ZNF827: variants seen among roughly 807,000 people sequenced by gnomAD.
ZNF827 encodes zinc finger protein 827.
ZNF827 carries 13 observed loss-of-function variants against 102.4 expected under a neutral mutation model. The ratio of observed to expected loss-of-function variants is 0.13; its 90% CI spans 0.08 to 0.20. The LOEUF (loss-of-function observed/expected upper bound fraction) is 0.20, where lower values mean the gene tolerates loss of function less well. Ranked by LOEUF, ZNF827 falls within the 10% of genes least tolerant of loss-of-function variation. ZNF827 has a pLI of 1.00. For missense variants in ZNF827, 1,103 were observed against 1,344.4 expected (o/e 0.82, Z 2.81); for synonymous variants, 523 against 536.2 (o/e 0.98, Z 0.34).
chr4:145,792,269 G>A (rs1383079156), intron 8 of ZNF827, among the ~76,000 whole-genome samples: 1 of 151,998 alleles, frequency 6.6e-6, no homozygotes, highest in East Asian at 1.9e-4. Context: ...AGTTAAGAGT[G>A]TAGAAGGTCT....
At position 145,765,705 on chromosome 4, in the gene ZNF827, C is replaced by G; in HGVS notation, c.2894G>C (p.Ser965Thr). 6.2e-7 allele frequency: 1 copy of G among 1,614,040 alleles called. No homozygotes were observed. The highest frequency in any genetic ancestry group is 8.5e-7 in the Non-Finnish European group (1 of 1,179,954). Residue 965 changes from serine (S) to threonine (T), a missense_variant, in exon 12 of 15, where the codon AGC becomes ACC. Around this residue, in one of 5 missense-constraint regions of ZNF827, gnomAD observed 242 missense variants for 361.9 expected, o/e 0.67. Coordinates refer to ENST00000508784, the MANE Select transcript of ZNF827 (RefSeq NM_001306215.2). The surrounding 1 kb of genome is among the most constrained non-coding windows in gnomAD (Gnocchi z 4.7). The stretch of plus-strand genomic sequence containing the variant: ...AGCTGAGAGGGAGGATGAAGAGGGG[C>G]TATTTGATTCGCTGGGGGTCTTCCT... ...EDRKTPSESN[S>T]PSSSSLSALS...
rs765006993 is a variant in ZNF827 at position 145,870,303 on chromosome 4, A to G, written c.1923T>C (p.Ser641=). The G allele has an allele frequency of 3.1e-6, 5 of 1,614,080 alleles. No individual in the cohort carries two copies. The highest frequency in any genetic ancestry group is 2.2e-5 in the East Asian group (1 of 44,876). The part of the protein sequence containing the change: ...DALKPQEGKG[S]VLRRDVSVKA... ...TGACTGACACATCCCGCCTTAGCAC[A>G]CTTCCCTTCCCTTCCTGGGGCTTTA... The change falls in exon 5 of 15, where the codon AGT becomes AGC. Residue 641 remains serine, a synonymous_variant. Transcript: ENST00000508784.
chr4:145,811,075 T>C (rs796997529), intron 8 of ZNF827, among the ~76,000 whole-genome samples: 25 of 149,134 alleles, frequency 1.7e-4, no homozygotes, highest in African/African-American at 5.7e-4. Flanking sequence ...CACTGCAACC[T>C]CCGCCTCCTG....
chr4:145,846,426 C>T (rs1344711821), intron 6 of ZNF827, among the ~76,000 whole-genome samples: 12 of 150,940 alleles, frequency 8.0e-5, no homozygotes, highest in Admixed American at 4.6e-4. Context: ...TGCAGCGAGC[C>T]GAGATCGCGC....
intron 8 of ZNF827, among the ~76,000 whole-genome samples, chr4:145,811,424 G>C (rs1259904391): frequency 2.0e-5 from 3 of 152,222 alleles, no homozygotes; most frequent in Non-Finnish European, 4.4e-5. Context: ...GAGAGTGTAG[G>C]AAGCTAAGGA....
chr4:145,829,156 G>T (rs978803679), intron 7 of ZNF827, among the ~76,000 whole-genome samples: 2 of 140,342 alleles, frequency 1.4e-5, no homozygotes, highest in Non-Finnish European at 3.2e-5. Context: ...AGAAGAAACA[G>T]ATTTTTTTTC....
chr4:145,932,720 C>A (rs1477888431), intron 1 of ZNF827, among the ~76,000 whole-genome samples: 1 of 152,152 alleles, frequency 6.6e-6, no homozygotes, highest in Non-Finnish European at 1.5e-5. Flanking sequence ...GTGATCCACC[C>A]GCCTCGGCCT....
chr4:145,827,369 TGAAA>T (rs1177418679), intron 7 of ZNF827, among the ~76,000 whole-genome samples: 3 of 152,210 alleles, frequency 2.0e-5, no homozygotes, highest in Non-Finnish European at 4.4e-5. Flanking sequence ...TGAAGGAAGC[TGAAA>T]GACTTTTCTA....
chr4:145,778,933 A>G (rs567565854), intron 9 of ZNF827, among the ~76,000 whole-genome samples: 1 of 152,094 alleles, frequency 6.6e-6, no homozygotes, highest in Admixed American at 6.5e-5. Context: ...CCCTTTCCCA[A>G]CTCTCAGAAC....
intron 7 of ZNF827, among the ~76,000 whole-genome samples, chr4:145,843,935 T>C (rs536705232): frequency 2.6e-5 from 4 of 152,326 alleles, no homozygotes; most frequent in African/African-American, 9.6e-5. Flanking sequence ...ATCACCTCCT[T>C]GCAGGTTCCT....
intron 1 of ZNF827, among the ~76,000 whole-genome samples, chr4:145,933,218 G>A (rs1753938927): frequency 6.6e-6 from 1 of 152,212 alleles, no homozygotes; most frequent in African/African-American, 2.4e-5. Context: ...TAGGAATACA[G>A]GGATGTTCTT....
chr4:145,865,727 CTGGACCTTTTG>C (rs564546441), intron 5 of ZNF827, among the ~76,000 whole-genome samples: 36 of 152,294 alleles, frequency 2.4e-4, no homozygotes, highest in Non-Finnish European at 8.8e-5. Flanking sequence ...ATAATTATTC[CTGGACCTTTTG>C]TGGTTCGCAT....
intron 2 of ZNF827, among the ~76,000 whole-genome samples, chr4:145,897,236 T>A (rs531907261): frequency 2.0e-5 from 3 of 151,772 alleles, no homozygotes; most frequent in Non-Finnish European, 2.9e-5. Context: ...TAAAAAAAAA[T>A]TTTTTTAAAT....
intron 8 of ZNF827, among the ~76,000 whole-genome samples, chr4:145,821,711 G>A (rs1260099316): frequency 6.6e-6 from 1 of 152,076 alleles, no homozygotes; most frequent in Non-Finnish European, 1.5e-5. Flanking sequence ...TCTCAGTTAT[G>A]CTGACCTTCT....
Position 145,902,095 on chromosome 4 carries a change from A to C in ZNF827, c.1093+71T>G. The C allele has an allele frequency of 6.7e-7, 1 of 1,501,216 alleles. No individual in the cohort carries two copies. The highest frequency in any genetic ancestry group is 8.9e-7 in the Non-Finnish European group (1 of 1,125,560). 93.0% of individuals were successfully genotyped at this position (1,501,216 alleles called of 1,614,324 possible). A position where few individuals can be genotyped will look rare whatever the true frequency, so the allele number is the denominator to read the frequency against. On this transcript the variant is annotated intron_variant, in intron 2 of 14. Coordinates refer to ENST00000508784, the MANE Select transcript of ZNF827 (RefSeq NM_001306215.2). The surrounding 1 kb of genome is among the most constrained non-coding windows in gnomAD (Gnocchi z 4.3). Reference sequence around the variant, plus strand: ...TCAGATGGGGAACCCAACTGAAAAAAGCAATGAATAAGACATCGCAGTTTA... The same window carrying C: ...TCAGATGGGGAACCCAACTGAAAAACGCAATGAATAAGACATCGCAGTTTA...
intron 9 of ZNF827, among the ~76,000 whole-genome samples, chr4:145,777,601 A>T (rs77018918): frequency 0.086 from 13,051 of 152,216 alleles, 639 homozygotes; most frequent in Middle Eastern, 0.12. Context: ...TAATTCTTTA[A>T]CATCTTCCAC....
At position 145,768,911 on chromosome 4, in the gene ZNF827, ATATAT is replaced by A. The variant is rs1560894722; in HGVS notation, c.2861-3178_2861-3174del. Among the ~76,000 whole-genome samples the A allele has an allele frequency of 1.7e-3, 81 of 47,456 alleles. 11 individuals carry two copies. Among genetic ancestry groups the A allele is most frequent in the African/African-American group, 5.0e-3 (73 of 14,724 alleles). The allele number at this position is 47,456 out of a possible 152,430, so 31.1% of individuals were successfully genotyped here. ...AAAAAATATATATATATATATATAT[ATATAT>A]TAGGTATACAAAGTTTGGAAATAGA... On this transcript the variant is annotated intron_variant, in intron 11 of 14. Coordinates refer to ENST00000508784, the MANE Select transcript of ZNF827 (RefSeq NM_001306215.2).
At position 145,810,081 on chromosome 4, in the gene ZNF827, T is replaced by A. The variant is rs114549097; in HGVS notation, c.2383+13341A>T. Among the ~76,000 whole-genome samples the A allele has an allele frequency of 2.7e-3, 411 of 152,354 alleles. 4 individuals are homozygous for A. The highest frequency in any genetic ancestry group is 9.5e-3 in the African/African-American group (393 of 41,578). ...TTCATAAAATATAAGTATAAATTAC[T>A]TGACATGCCAACTAAACTGAGGAAA... On this transcript the variant is annotated intron_variant, in intron 8 of 14. Transcript: ENST00000508784.
At chr4:145,807,921 G>T (rs749295246) in intron 8 of ZNF827, among the ~76,000 whole-genome samples, 1 of 152,020 alleles carries the variant, frequency 6.6e-6, no homozygotes, top group Non-Finnish European at 1.5e-5. Flanking sequence ...TAACAGTTGG[G>T]AGATAGACCA....
Sources: gnomAD v4.1 joint callset for allele counts (sites outside exome capture counted in the v4.1 genomes callset) on GRCh38, gnomAD v4.1.1 for gene constraint, gnomAD v4.1.1 regional missense constraint, Gnocchi (gnomAD v3.1) non-coding constraint, MANE v1.5 for transcripts, NCBI Gene and HGNC (gene_info 2026-07-23, HGNC 2026-07-21) for gene names.